Variants in PTPRT observed in about 807,000 individuals in gnomAD.
PTPRT encodes receptor-type tyrosine-protein phosphatase T.
A neutral mutation model predicts 176.8 loss-of-function variants in PTPRT; 56 were observed. The ratio of observed to expected loss-of-function variants is 0.32; its 90% CI spans 0.26 to 0.40. The LOEUF is 0.40. Among genes scored for constraint, PTPRT ranks in the 10% least tolerant of loss-of-function variants. The probability of loss-of-function intolerance (pLI) is 1.00; values close to 1 mark genes in which losing one functional copy is unlikely to be tolerated. For synonymous variants in PTPRT, 783 were observed against 739.0 expected (o/e 1.06, Z -0.96); for missense variants, 1,540 against 1,908.2 (o/e 0.81, Z 3.60).
chr20:42,972,506 A>C (rs1639895046), intron 1 of PTPRT, among the ~76,000 whole-genome samples: 2 of 151,822 alleles, frequency 1.3e-5, no homozygotes, highest in African/African-American at 4.8e-5. Context: ...TACCAAAAAT[A>C]CAAAAATTAG....
intron 4 of PTPRT, among the ~76,000 whole-genome samples, chr20:42,776,424 G>C (rs2077136402): frequency 6.6e-6 from 1 of 152,170 alleles, no homozygotes; most frequent in African/African-American, 2.4e-5. Context: ...ATTCTCAACA[G>C]AGGAGGACAT....
chr20:42,437,287 T>A lies in PTPRT; in HGVS notation c.1560+10933A>T, dbSNP rs528399269. Reference sequence around the variant, plus strand: ...TCATTTTGGGCACCCAAGTGATAGTTCATAGCAGAAAGAGCTTTTTGAATC... The same window carrying A: ...TCATTTTGGGCACCCAAGTGATAGTACATAGCAGAAAGAGCTTTTTGAATC... On this transcript the variant is annotated intron_variant, in intron 9 of 30. Coordinates refer to ENST00000373187, the MANE Select transcript of PTPRT (RefSeq NM_007050.6). Among the ~76,000 whole-genome samples the A allele has an allele frequency of 2.2e-4, 34 of 152,306 alleles. 2 individuals carry two copies. In the South Asian group the frequency reaches 6.4e-3, roughly 29 times the overall value.
intron 9 of PTPRT, among the ~76,000 whole-genome samples, chr20:42,419,018 T>C (rs1214593625): frequency 6.6e-6 from 1 of 152,192 alleles, no homozygotes; most frequent in African/African-American, 2.4e-5. Context: ...CAGCATATAA[T>C]GAGTGTTGAA....
chr20:42,780,371 C>T (rs768849812), intron 3 of PTPRT, 72 bp from the exon 4 acceptor site: 2 of 1,196,968 alleles, frequency 1.7e-6, no homozygotes, highest in Non-Finnish European at 2.5e-6. Flanking sequence ...GCTGCCCGGC[C>T]CCCAGCCCTT....
At chr20:42,489,475 T>C (rs1020622776) in intron 7 of PTPRT, among the ~76,000 whole-genome samples, 6 of 151,900 alleles carry the variant, frequency 3.9e-5, no homozygotes, top group African/African-American at 1.5e-4. Flanking sequence ...TTGGGGTCAT[T>C]TGTTCCTCGA....
intron 4 of PTPRT, among the ~76,000 whole-genome samples, chr20:42,772,282 AT>A (rs144436836): frequency 0.028 from 4,315 of 152,260 alleles, 125 homozygotes; most frequent in African/African-American, 0.076. Context: ...CAGTAGTGTT[AT>A]TTTCTCTATT....
At chr20:42,888,140 A>G (rs567455412) in intron 1 of PTPRT, among the ~76,000 whole-genome samples, 4 of 152,342 alleles carry the variant, frequency 2.6e-5, no homozygotes, top group Non-Finnish European at 5.9e-5. Context: ...ATGGATTAAG[A>G]CAGCACCCCA....
chr20:42,163,137 G>A (rs1259835814), intron 16 of PTPRT, among the ~76,000 whole-genome samples: 1 of 152,154 alleles, frequency 6.6e-6, no homozygotes, highest in Non-Finnish European at 1.5e-5. Context: ...CCTACCAAGG[G>A]AGGAGAGGCT....
intron 4 of PTPRT, among the ~76,000 whole-genome samples, chr20:42,776,527 A>G (rs1042645609): frequency 5.9e-5 from 9 of 152,138 alleles, no homozygotes; most frequent in Non-Finnish European, 1.3e-4. Context: ...AAGCAAAGAA[A>G]GAGCCTCAGG....
intron 1 of PTPRT, among the ~76,000 whole-genome samples, chr20:42,900,697 G>A (rs1184918513): frequency 1.3e-5 from 2 of 152,178 alleles, no homozygotes; most frequent in Non-Finnish European, 2.9e-5. Flanking sequence ...GCTGAGTGTT[G>A]GGAGAAGCTG....
At chr20:42,990,168 A>G (rs1983820818) in intron 1 of PTPRT, among the ~76,000 whole-genome samples, 1 of 152,202 alleles carries the variant, frequency 6.6e-6, no homozygotes, top group Non-Finnish European at 1.5e-5. Flanking sequence ...TCTATGGGAA[A>G]AGAAGGCATG....
chr20:42,942,711 T>A (rs113941965), intron 1 of PTPRT, among the ~76,000 whole-genome samples: 1 of 152,230 alleles, frequency 6.6e-6, no homozygotes, highest in Admixed American at 6.5e-5. Context: ...TGTGGCTAAA[T>A]GACCTTTAGC....
At chr20:43,038,834 C>T (rs1986489893) in intron 1 of PTPRT, among the ~76,000 whole-genome samples, 1 of 151,894 alleles carries the variant, frequency 6.6e-6, no homozygotes, top group African/African-American at 2.4e-5. Context: ...AACATTTAAC[C>T]CATATACAAA....
chr20:42,659,927 G>GCAGGAGT (rs2075193958), intron 7 of PTPRT, among the ~76,000 whole-genome samples: 1 of 152,130 alleles, frequency 6.6e-6, no homozygotes, highest in Non-Finnish European at 1.5e-5. Context: ...TGAACAGACG[G>GCAGGAGT]CAGGAGTCAG....
Position 43,182,547 on chromosome 20 carries a change from C to T in PTPRT, c.88+7099G>A, listed in dbSNP as rs1226304775. Among the ~76,000 whole-genome samples the T allele has an allele frequency of 2.0e-5, 3 of 152,100 alleles. No individual in the cohort carries two copies. In the East Asian group the frequency reaches 5.8e-4, roughly 29 times the overall value. Reference sequence around the variant, plus strand: ...CTGGGATTACAGGCACATGCTACCACACCCGGCTAATTTTTGTATTTATAG... The same window carrying T: ...CTGGGATTACAGGCACATGCTACCATACCCGGCTAATTTTTGTATTTATAG... On this transcript the variant is annotated intron_variant, in intron 1 of 30. Coordinates refer to ENST00000373187, the MANE Select transcript of PTPRT (RefSeq NM_007050.6).
At chr20:42,659,287 C>G (rs1160746226) in intron 7 of PTPRT, among the ~76,000 whole-genome samples, 1 of 152,148 alleles carries the variant, frequency 6.6e-6, no homozygotes, top group Non-Finnish European at 1.5e-5. Flanking sequence ...CTGGTGCTCT[C>G]CTAGGTAATA....
At chr20:42,690,216 C>T (rs2075769835) in intron 6 of PTPRT, among the ~76,000 whole-genome samples, 1 of 152,020 alleles carries the variant, frequency 6.6e-6, no homozygotes, top group Non-Finnish European at 1.5e-5. Context: ...TCAAAAGTGA[C>T]CTGATCAGGA....
intron 9 of PTPRT, among the ~76,000 whole-genome samples, chr20:42,364,015 T>C (rs527774187): frequency 9.2e-5 from 14 of 152,120 alleles, no homozygotes; most frequent in Non-Finnish European, 1.3e-4. Context: ...AGCTTTTGAG[T>C]GCATCGTTGG....
chr20:42,448,091 C>A, intron 9 of PTPRT, 129 bp downstream of exon 9: 2 of 754,356 alleles, frequency 2.7e-6, no homozygotes, highest in South Asian at 1.6e-5. Flanking sequence ...ATTGTACTGT[C>A]AGAAACCTTT....
Sources: allele counts gnomAD v4.1 joint callset (sites outside exome capture counted in the v4.1 genomes callset), GRCh38; gene constraint gnomAD v4.1.1; transcripts MANE v1.5; gene names NCBI Gene and HGNC (gene_info 2026-07-23, HGNC 2026-07-21).